CANX: variants seen among roughly 807,000 people sequenced by gnomAD.
CANX encodes the protein calnexin.
A neutral mutation model predicts 75.7 loss-of-function variants in CANX; 14 were observed. The ratio of observed to expected loss-of-function variants is 0.19; its 90% CI spans 0.12 to 0.29. The LOEUF is 0.29. Among genes scored for constraint, CANX ranks in the 10% least tolerant of loss-of-function variants. CANX has a pLI of 1.00. For missense variants in CANX, 567 were observed against 713.2 expected (o/e 0.79, Z 2.34); for synonymous variants, 227 against 236.9 (o/e 0.96, Z 0.38).
intron 13 of CANX, among the ~76,000 whole-genome samples, chr5:179,726,370 A>C (rs55952102): frequency 3.3e-5 from 5 of 151,928 alleles, no homozygotes; most frequent in Admixed American, 2.6e-4. Context: ...AGGTCAGGAG[A>C]TCGAGACCAT....
intron 7 of CANX, among the ~76,000 whole-genome samples, chr5:179,711,155 G>T (rs1175624716): frequency 6.6e-6 from 1 of 152,160 alleles, no homozygotes; most frequent in Non-Finnish European, 1.5e-5. Flanking sequence ...CACGTATGGT[G>T]GCCCACACCT....
upstream of CANX, chr5:179,698,832 A>T: frequency 2.4e-6 from 2 of 821,604 alleles, no homozygotes; most frequent in Non-Finnish European, 3.3e-6. Context: ...GACGGTGCGT[A>T]GAGCGATGCC....
intron 6 of CANX, 26 bp downstream of exon 6, chr5:179,709,085 T>G (rs1020093321): frequency 7.5e-7 from 1 of 1,324,538 alleles, no homozygotes; most frequent in Non-Finnish European, 1.1e-6. Context: ...TTCTGGAATG[T>G]GGCTGGACAC....
At chr5:179,704,720 C>T (rs1777011946) in intron 1 of CANX, among the ~76,000 whole-genome samples, 1 of 152,068 alleles carries the variant, frequency 6.6e-6, no homozygotes, top group African/African-American at 2.4e-5. Flanking sequence ...CCTGTAATCA[C>T]AGCTACTCAA....
chr5:179,713,559 T>G (rs1257404990), intron 7 of CANX, among the ~76,000 whole-genome samples: 1 of 152,092 alleles, frequency 6.6e-6, no homozygotes, highest in Admixed American at 6.6e-5. Context: ...AAATTATAGT[T>G]AGAACAATTT....
At chr5:179,678,765 G>C (rs1562423735) in exon 1 of CANX, 1 of 1,537,100 alleles carries the variant, frequency 6.5e-7, no homozygotes. Flanking sequence ...AGCAGTTCCT[G>C]CTGCAGCTTC....
chr5:179,679,224 G>A, intron 1 of CANX: 1 of 1,533,386 alleles, frequency 6.5e-7, no homozygotes, highest in South Asian at 1.2e-5. Flanking sequence ...TGTCTCGGGA[G>A]CCCGGATGTC....
At chr5:179,710,351 AG>A (rs1777458670) in intron 7 of CANX, among the ~76,000 whole-genome samples, 1 of 148,966 alleles carries the variant, frequency 6.7e-6, no homozygotes, top group South Asian at 2.1e-4. Flanking sequence ...TGAACCTGGG[AG>A]GGAGCCAAGA....
intron 1 of CANX, among the ~76,000 whole-genome samples, chr5:179,687,330 C>T (rs1776207436): frequency 1.3e-5 from 2 of 150,564 alleles, no homozygotes; most frequent in Non-Finnish European, 3.0e-5. Flanking sequence ...GTCTCGATCT[C>T]CTGGCCTCGT....
intron 1 of CANX, 90 bp from the exon 2 acceptor site, chr5:179,705,589 G>T (rs926598882): frequency 4.3e-6 from 4 of 929,410 alleles, no homozygotes; most frequent in South Asian, 1.7e-5. Context: ...CGATTTAAAA[G>T]CTTTAATTTT....
At chr5:179,690,875 T>G (rs986543678) in intron 1 of CANX, among the ~76,000 whole-genome samples, 8 of 151,666 alleles carry the variant, frequency 5.3e-5, no homozygotes, top group Non-Finnish European at 1.2e-4. Flanking sequence ...GGCGACAGAG[T>G]GAGACTCTCT....
intron 1 of CANX, among the ~76,000 whole-genome samples, chr5:179,684,176 T>A (rs1488909204): frequency 6.6e-6 from 1 of 152,082 alleles, no homozygotes; most frequent in Non-Finnish European, 1.5e-5. Flanking sequence ...TGAGTGAAAG[T>A]TTCTGTTTCT....
At chr5:179,724,168 C>T (rs1441552752) in intron 12 of CANX, among the ~76,000 whole-genome samples, 1 of 152,090 alleles carries the variant, frequency 6.6e-6, no homozygotes, top group East Asian at 1.9e-4. Flanking sequence ...ATTCTGCCTT[C>T]ACCTTCCCCA....
intron 1 of CANX, among the ~76,000 whole-genome samples, chr5:179,680,197 A>C (rs1562426549): frequency 6.6e-6 from 1 of 151,998 alleles, no homozygotes; most frequent in Non-Finnish European, 1.5e-5. Context: ...GGGAAGGTGG[A>C]CCAGTGCACT....
intron 1 of CANX, among the ~76,000 whole-genome samples, chr5:179,701,976 G>A (rs1034983738): frequency 6.6e-6 from 1 of 151,426 alleles, no homozygotes; most frequent in African/African-American, 2.4e-5. Flanking sequence ...CCTGAGCTCA[G>A]GCAGTCCGCC....
chr5:179,688,411 T>A (rs1776231387), intron 1 of CANX, among the ~76,000 whole-genome samples: 1 of 140,928 alleles, frequency 7.1e-6, no homozygotes, highest in Non-Finnish European at 1.5e-5. Flanking sequence ...TCGCCCAGGC[T>A]GGAGCGCAGT....
upstream of CANX, among the ~76,000 whole-genome samples, chr5:179,696,307 G>A (rs1466515884): frequency 8.0e-6 from 1 of 124,652 alleles, no homozygotes; most frequent in Non-Finnish European, 1.6e-5. Context: ...ACAGAGTCTG[G>A]CTCTGTCACC....
chr5:179,705,135 G>A (rs552453853), intron 1 of CANX, among the ~76,000 whole-genome samples: 13 of 152,036 alleles, frequency 8.6e-5, no homozygotes, highest in East Asian at 1.9e-4. Flanking sequence ...ACAGGCGCCC[G>A]CTATCGCTCC....
At chr5:179,702,210 ATT>A (rs879273390) in intron 1 of CANX, among the ~76,000 whole-genome samples, 1 of 142,990 alleles carries the variant, frequency 7.0e-6, no homozygotes, top group African/African-American at 2.6e-5. Context: ...CACTCAGCTA[ATT>A]TTTTTTTTTT....
Sources: allele counts gnomAD v4.1 joint callset (sites outside exome capture counted in the v4.1 genomes callset), GRCh38; gene constraint gnomAD v4.1.1; transcripts MANE v1.5; gene names NCBI Gene and HGNC (gene_info 2026-07-23, HGNC 2026-07-21).